Variants in NMT1 observed in about 807,000 individuals in gnomAD.
NMT1 encodes the protein N-myristoyltransferase 1.
A neutral mutation model predicts 63.4 loss-of-function variants in NMT1; 12 were observed. That is an observed-to-expected ratio of 0.19 (90% CI 0.12 to 0.31). The LOEUF is 0.31. NMT1 is among the 10% of genes least tolerant of loss of function. The probability of loss-of-function intolerance (pLI) is 1.00; values close to 1 mark genes in which losing one functional copy is unlikely to be tolerated. For synonymous variants in NMT1, 228 were observed against 234.3 expected (o/e 0.97, Z 0.25); for missense variants, 432 against 634.6 (o/e 0.68, Z 3.43).
rs1466786792 is a variant in NMT1, at chr17:45,103,967, G to T, written c.1332+91G>T. 4 of 1,600,836 alleles carry T rather than the reference G, an allele frequency of 2.5e-6. No individual in the cohort carries two copies. Among genetic ancestry groups the T allele is most frequent in the Non-Finnish European group, 3.4e-6 (4 of 1,179,636 alleles). On this transcript the variant is annotated intron_variant, in intron 10 of 11. Transcript: ENST00000258960. This position sits in a 1 kb window ranked among gnomAD's most constrained non-coding sequence, Gnocchi z 4.8. ...CAGCTCCCGGGACGCAGCCTCCCAT[G>T]GGCTGGAGGCTCTGAGCCCTCCTCA...
At chr17:45,097,575 CA>C (rs1278064158) in intron 6 of NMT1, among the ~76,000 whole-genome samples, 1 of 152,106 alleles carries the variant, frequency 6.6e-6, no homozygotes, top group Non-Finnish European at 1.5e-5. Context: ...ACGCTAGTCT[CA>C]AACTCCTGAG....
intron 3 of NMT1, among the ~76,000 whole-genome samples, chr17:45,091,713 G>A (rs2054089882): frequency 6.6e-6 from 1 of 152,098 alleles, no homozygotes; most frequent in Non-Finnish European, 1.5e-5. Context: ...ATTCACAAGA[G>A]CTACTTTATG....
At chr17:45,102,342 T>C (rs903670316) in intron 8 of NMT1, among the ~76,000 whole-genome samples, 3 of 152,236 alleles carry the variant, frequency 2.0e-5, no homozygotes, top group Non-Finnish European at 4.4e-5. Context: ...GAAGCATTTT[T>C]CTAGCAAAAG....
At chr17:45,062,031 AAAT>A in intron 1 of NMT1, 1 of 152,440 alleles carries the variant, frequency 6.6e-6, no homozygotes, top group Non-Finnish European at 1.5e-5. Context: ...CCATTGCTCC[AAAT>A]AATCCATAAG....
At chr17:45,081,283 T>C (rs1170934952) in intron 1 of NMT1, among the ~76,000 whole-genome samples, 1 of 152,234 alleles carries the variant, frequency 6.6e-6, no homozygotes, top group Non-Finnish European at 1.5e-5. Context: ...TCCTTTTACA[T>C]TCAGAGTTCA....
chr17:45,098,901 C>T (rs1186971110), intron 7 of NMT1: 1 of 270,228 alleles, frequency 3.7e-6, no homozygotes, highest in Non-Finnish European at 7.1e-6. Context: ...AAATGGTTGG[C>T]TCAAATTGTT....
At chr17:45,092,554 C>T (rs1275001607) in intron 3 of NMT1, among the ~76,000 whole-genome samples, 1 of 147,746 alleles carries the variant, frequency 6.8e-6, no homozygotes, top group Admixed American at 6.7e-5. Context: ...AAAAACAAAA[C>T]ACCAAAATTA....
At chr17:45,095,033 G>A (rs970780192) in intron 4 of NMT1, among the ~76,000 whole-genome samples, 15 of 149,818 alleles carry the variant, frequency 1.0e-4, no homozygotes, top group Non-Finnish European at 2.1e-4. Context: ...GTCTGGTCTC[G>A]AACTCCTGAC....
Position 45,108,149 on chromosome 17 carries a change from G to C in NMT1, c.*2510G>C, listed in dbSNP as rs1221017211. 1.3e-5 allele frequency: 2 copies of C among 152,348 alleles called. No individual in the cohort carries two copies. The highest frequency in any genetic ancestry group is 1.3e-4 in the Admixed American group (2 of 15,284). The allele number at this position is 152,348 out of a possible 1,614,324, so 9.4% of individuals were successfully genotyped here. ...CGCTAACCGTCCTCGAGCAACTGCT[G>C]TTGGAAGGCCTCCCTGGGCCTGGCC... On this transcript the variant is annotated 3_prime_UTR_variant, in exon 12 of 12. Coordinates refer to ENST00000258960, the MANE Select transcript of NMT1 (RefSeq NM_021079.5).
rs186949950 is a variant in NMT1, at chr17:45,084,612, C to T, written c.241-1896C>T. On this transcript the variant is annotated intron_variant, in intron 2 of 11. Transcript: ENST00000258960. The stretch of plus-strand genomic sequence containing the variant: ...CCTCCCAAAGTGCTAGGATTACAGG[C>T]GTGAGCCACCGCGCCCGGCCACTTT... Among the ~76,000 whole-genome samples, 10 of 151,620 alleles carry T rather than the reference C, an allele frequency of 6.6e-5. No homozygotes were observed. The South Asian group carries it at 1.7e-3, about 25-fold the overall frequency.
At chr17:45,089,319 T>C (rs540043547) in intron 3 of NMT1, among the ~76,000 whole-genome samples, 1 of 152,328 alleles carries the variant, frequency 6.6e-6, no homozygotes, top group African/African-American at 2.4e-5. Flanking sequence ...GGTATTCCAC[T>C]AAAGAAACCT....
chr17:45,102,904 C>G, intron 8 of NMT1, 47 bp from the exon 9 acceptor site: 1 of 1,553,794 alleles, frequency 6.4e-7, no homozygotes. Context: ...TGGATAGATC[C>G]AGGGTGATCA....
chr17:45,091,880 G>T (rs2054090856), intron 3 of NMT1, among the ~76,000 whole-genome samples: 1 of 152,116 alleles, frequency 6.6e-6, no homozygotes, highest in Non-Finnish European at 1.5e-5. Flanking sequence ...AATTAGCCAG[G>T]CGTAGTGGCG....
At chr17:45,095,207 AG>A (rs1171235633) in intron 4 of NMT1, among the ~76,000 whole-genome samples, 1 of 151,568 alleles carries the variant, frequency 6.6e-6, no homozygotes, top group Non-Finnish European at 1.5e-5. Flanking sequence ...CCTGTGTTCA[AG>A]CAATTCTCCT....
intron 6 of NMT1, 59 bp downstream of exon 6, chr17:45,097,303 G>C: frequency 7.5e-7 from 1 of 1,325,732 alleles, no homozygotes; most frequent in Non-Finnish European, 1.1e-6. Context: ...TGGTCTGGGA[G>C]AGAGTAGAAA....
chr17:45,062,544 C>T (rs1567859110), intron 1 of NMT1, among the ~76,000 whole-genome samples: 3 of 152,288 alleles, frequency 2.0e-5, no homozygotes, highest in Non-Finnish European at 2.9e-5. Context: ...GATGGTCCCA[C>T]AAGATTATAG....
chr17:45,064,413 G>A (rs540967452), intron 1 of NMT1, among the ~76,000 whole-genome samples: 1 of 152,272 alleles, frequency 6.6e-6, no homozygotes, highest in African/African-American at 2.4e-5. Flanking sequence ...CTAAGAATCT[G>A]GGGTAGAGTC....
rs1598018393 is a variant in NMT1 at position 45,099,531 on chromosome 17, T to G, written c.993+18T>G. 8 of 1,537,864 alleles carry G rather than the reference T, an allele frequency of 5.2e-6. No individual in the cohort carries two copies. Among genetic ancestry groups the G allele is most frequent in the Non-Finnish European group, 7.2e-6 (8 of 1,110,756 alleles). Reference sequence around the variant, plus strand: ...TGCCAGAGGCCAGTGCTGCCCCGGGTGGTGGGCAGGGGGCAGAGAGAGGGC... The same window carrying G: ...TGCCAGAGGCCAGTGCTGCCCCGGGGGGTGGGCAGGGGGCAGAGAGAGGGC... On this transcript the variant is annotated intron_variant, in intron 8 of 11. Coordinates refer to ENST00000258960, the MANE Select transcript of NMT1 (RefSeq NM_021079.5).
chr17:45,081,786 C>G, intron 2 of NMT1, 34 bp downstream of exon 2: 2 of 1,463,286 alleles, frequency 1.4e-6, no homozygotes, highest in Non-Finnish European at 1.9e-6. Flanking sequence ...GTGACTCAGT[C>G]ACTTTTTCAC....
Sources: allele counts gnomAD v4.1 joint callset (sites outside exome capture counted in the v4.1 genomes callset), GRCh38; gene constraint gnomAD v4.1.1; non-coding constraint Gnocchi (gnomAD v3.1); transcripts MANE v1.5; gene names NCBI Gene and HGNC (gene_info 2026-07-23, HGNC 2026-07-21).